Variants in MVB12B observed in about 807,000 individuals in gnomAD.
MVB12B encodes ESCRT-I complex subunit MVB12B.
A neutral mutation model predicts 41.6 loss-of-function variants in MVB12B; 16 were observed. The observed-to-expected ratio is 0.38, with a 90% CI of 0.26 to 0.58. The LOEUF is 0.58. MVB12B is among the 20% of genes least tolerant of loss of function. The pLI, the probability that MVB12B is intolerant of heterozygous loss-of-function variation, is 0.62. For missense variants in MVB12B, 274 were observed against 380.2 expected (o/e 0.72, Z 2.32); for synonymous variants, 133 against 139.7 (o/e 0.95, Z 0.34).
intron 4 of MVB12B, among the ~76,000 whole-genome samples, chr9:126,387,961 A>G (rs778530868): frequency 3.3e-5 from 5 of 152,238 alleles, no homozygotes; most frequent in Non-Finnish European, 7.3e-5. Context: ...CTGGAAGAGC[A>G]TGTGTATAAG....
chr9:126,416,630 C>G (rs1291261857), intron 6 of MVB12B, among the ~76,000 whole-genome samples: 1 of 152,212 alleles, frequency 6.6e-6, no homozygotes, highest in Non-Finnish European at 1.5e-5. Context: ...GTAACTCTAA[C>G]ATAGCGATAA....
At chr9:126,373,060 G>A (rs1830385428) in intron 2 of MVB12B, among the ~76,000 whole-genome samples, 1 of 152,176 alleles carries the variant, frequency 6.6e-6, no homozygotes, top group South Asian at 2.1e-4. Context: ...CCTGTGCCCC[G>A]TGAGTGGAAA....
intron 7 of MVB12B, among the ~76,000 whole-genome samples, chr9:126,457,806 C>T (rs1833013256): frequency 6.6e-6 from 1 of 152,164 alleles, no homozygotes; most frequent in Admixed American, 6.5e-5. Flanking sequence ...TAAAGGCCAC[C>T]TTGTGTTTTC....
intron 7 of MVB12B, among the ~76,000 whole-genome samples, chr9:126,439,990 C>G (rs1832589645): frequency 6.6e-6 from 1 of 152,184 alleles, no homozygotes. Context: ...CCCATTTACT[C>G]TGATGATATT....
intron 7 of MVB12B, among the ~76,000 whole-genome samples, chr9:126,453,958 G>A (rs1451500813): frequency 1.3e-5 from 2 of 152,216 alleles, no homozygotes; most frequent in Admixed American, 1.3e-4. Context: ...CAAGATGGAA[G>A]TCTGGTGTCC....
chr9:126,489,948 T>C (rs1429755828), intron 9 of MVB12B, among the ~76,000 whole-genome samples: 1 of 152,154 alleles, frequency 6.6e-6, no homozygotes, highest in Non-Finnish European at 1.5e-5. Flanking sequence ...CCAGTTTGGC[T>C]CTGCAGGAGG....
chr9:126,441,291 G>A (rs1343543280), intron 7 of MVB12B, among the ~76,000 whole-genome samples: 4 of 152,160 alleles, frequency 2.6e-5, no homozygotes, highest in East Asian at 1.9e-4. Flanking sequence ...AGAGAGGCAC[G>A]GATCCCAGAG....
rs553771255 is a variant in MVB12B at position 126,362,392 on chromosome 9, C to G, written c.205-18672C>G. Among the ~76,000 whole-genome samples, 130 of 152,100 alleles carry G rather than the reference C, an allele frequency of 8.5e-4. 1 individual carries two copies. The highest frequency in any genetic ancestry group is 3.0e-3 in the African/African-American group (125 of 41,510). On this transcript the variant is annotated intron_variant, in intron 2 of 9. Transcript: ENST00000361171. ...TGTAAAAAGCATAATAGATAAACTT[C>G]TGGCAAATCTAATAGTAAAATAAAA...
intron 6 of MVB12B, among the ~76,000 whole-genome samples, chr9:126,414,089 A>C (rs917556907): frequency 3.3e-5 from 5 of 152,242 alleles, no homozygotes; most frequent in African/African-American, 1.2e-4. Flanking sequence ...GATTTAAATT[A>C]ACAAGGAAAA....
chr9:126,340,737 C>T lies in MVB12B; in HGVS notation c.204+107C>T. 7.4e-7 allele frequency: 1 copy of T among 1,357,428 alleles called. No individual in the cohort carries two copies. The highest frequency in any genetic ancestry group is 1.0e-6 in the Non-Finnish European group (1 of 983,886). The allele number at this position is 1,357,428 out of a possible 1,614,324, so 84.1% of individuals were successfully genotyped here. ...TGCGTGTAAGATGTGCTTCTTCCCT[C>T]TAGGAACTTAATCCAGGGAGGGCGT... is the stretch of plus-strand genomic sequence containing the variant. On this transcript the variant is annotated intron_variant, in intron 2 of 9. Coordinates refer to ENST00000361171, the MANE Select transcript of MVB12B (RefSeq NM_033446.3). This position sits in a 1 kb window ranked among gnomAD's most constrained non-coding sequence, Gnocchi z 4.0.
intron 1 of MVB12B, among the ~76,000 whole-genome samples, chr9:126,330,306 C>CAA (rs1437056408): frequency 6.7e-6 from 1 of 150,022 alleles, no homozygotes; most frequent in East Asian, 2.0e-4. Context: ...TCTTTCTTTA[C>CAA]ACACACACAC....
At chr9:126,449,134 A>G (rs1832845159) in intron 7 of MVB12B, among the ~76,000 whole-genome samples, 1 of 152,172 alleles carries the variant, frequency 6.6e-6, no homozygotes, top group Admixed American at 6.5e-5. Flanking sequence ...TTCACTGGGC[A>G]GTTACTGAGG....
Position 126,368,974 on chromosome 9 carries a change from G to A in MVB12B, c.205-12090G>A, listed in dbSNP as rs182254662. On this transcript the variant is annotated intron_variant, in intron 2 of 9. Transcript: ENST00000361171. The stretch of plus-strand genomic sequence containing the variant: ...ATGTCATGTAGATCTTTCTAGACTC[G>A]CGTGTGTAGACCCTCCACACTCTTG... Among the ~76,000 whole-genome samples the A allele has an allele frequency of 2.6e-3, 392 of 152,010 alleles. 2 individuals carry two copies. The highest frequency in any genetic ancestry group is 0.014 in the Middle Eastern group (4 of 294).
chr9:126,344,416 C>T (rs1198832697), intron 2 of MVB12B, among the ~76,000 whole-genome samples: 1 of 152,230 alleles, frequency 6.6e-6, no homozygotes, highest in Non-Finnish European at 1.5e-5. Context: ...TCCTTCCATA[C>T]CTGGAAGCCT....
At position 126,348,709 on chromosome 9, in the gene MVB12B, C is replaced by T. The variant is rs1278909349; in HGVS notation, c.204+8079C>T. Among the ~76,000 whole-genome samples, 63 of 152,122 alleles carry T rather than the reference C, an allele frequency of 4.1e-4. 1 individual carries two copies. The highest frequency in any genetic ancestry group is 4.1e-3 in the Admixed American group (63 of 15,264). On this transcript the variant is annotated intron_variant, in intron 2 of 9. Coordinates refer to ENST00000361171, the MANE Select transcript of MVB12B (RefSeq NM_033446.3). Reference sequence around the variant, plus strand: ...TGGATGGTTGAAAAAAGACGAGGCGCTTGCTTTAATTTTTCTTTCTTTTTT... The same window carrying T: ...TGGATGGTTGAAAAAAGACGAGGCGTTTGCTTTAATTTTTCTTTCTTTTTT...
chr9:126,359,106 G>T (rs1413949874), intron 2 of MVB12B, among the ~76,000 whole-genome samples: 1 of 151,340 alleles, frequency 6.6e-6, no homozygotes, highest in Non-Finnish European at 1.5e-5. Context: ...TGTTGCCCAG[G>T]CTGGTATCCA....
Position 126,340,525 on chromosome 9 carries a change from T to C in MVB12B, c.99T>C (p.Pro33=), listed in dbSNP as rs769323653. 6.2e-6 allele frequency: 10 copies of C among 1,614,042 alleles called. No individual in the cohort carries two copies. Among genetic ancestry groups the C allele is most frequent in the Non-Finnish European group, 7.6e-6 (9 of 1,179,988 alleles). ...PQRGTDQSTM[P]EVKDLSEALP... is the part of the protein sequence containing the mutation. ...TGAACCAGGACCAGTCCACCATGCC[T>C]GAAGTCAAAGACCTCTCAGAAGCCT... The change falls in exon 2 of 10, where the codon CCT becomes CCC. Residue 33 remains proline, a synonymous_variant. Transcript: ENST00000361171. The surrounding 1 kb of genome is among the most constrained non-coding windows in gnomAD (Gnocchi z 4.0).
In MVB12B at chr9:126,417,573, A is replaced by G. The variant is rs542027602; in HGVS notation, c.663-4281A>G. Among the ~76,000 whole-genome samples the G allele has an allele frequency of 8.5e-5, 13 of 152,352 alleles. No individual in the cohort carries two copies. In the South Asian group the frequency reaches 2.7e-3, roughly 32 times the overall value. On this transcript the variant is annotated intron_variant, in intron 6 of 9. Coordinates refer to ENST00000361171, the MANE Select transcript of MVB12B (RefSeq NM_033446.3). ...TAGAGACTAACAGCAGTTCATGTCA[A>G]AAAAGAAACCCAGGAGTTTTAGTGA... is the stretch of plus-strand genomic sequence containing the variant.
intron 4 of MVB12B, among the ~76,000 whole-genome samples, chr9:126,390,809 A>G (rs1026018566): frequency 1.4e-4 from 22 of 152,112 alleles, no homozygotes; most frequent in African/African-American, 5.3e-4. Context: ...AAATACAAAA[A>G]TGAGCCAGGC....
Sources: gnomAD v4.1 joint callset for allele counts (sites outside exome capture counted in the v4.1 genomes callset) on GRCh38, gnomAD v4.1.1 for gene constraint, Gnocchi (gnomAD v3.1) non-coding constraint, MANE v1.5 for transcripts, NCBI Gene and HGNC (gene_info 2026-07-23, HGNC 2026-07-21) for gene names.